Variants in BNC2 observed in about 807,000 individuals in gnomAD.
BNC2 encodes the protein basonuclin zinc finger protein 2.
Under a neutral mutation model 76.3 loss-of-function variants are expected in BNC2, and 20 were observed. The observed-to-expected ratio is 0.26, with a 90% confidence interval of 0.18 to 0.38. The LOEUF is 0.38. Ranked by LOEUF, BNC2 falls within the 10% of genes least tolerant of loss-of-function variation. The pLI is 1.00. For synonymous variants in BNC2, 582 were observed against 514.8 expected, an observed-to-expected ratio of 1.13 and a Z score of -1.77; for missense variants, 1,382 against 1,399.8, an observed-to-expected ratio of 0.99 and a Z score of 0.20.
intron 1 of BNC2, among the ~76,000 whole-genome samples, chr9:16,786,735 C>T (rs1247995373): frequency 6.6e-6 from 1 of 152,090 alleles, no homozygotes; most frequent in Non-Finnish European, 1.5e-5. Context: ...CTGCTGGGAA[C>T]CCACAGGATG....
chr9:16,624,317 T>G (rs958043724), intron 3 of BNC2, among the ~76,000 whole-genome samples: 9 of 152,122 alleles, frequency 5.9e-5, no homozygotes, highest in Non-Finnish European at 1.2e-4. Flanking sequence ...TATACCAAAC[T>G]TTTCATGGCT....
chr9:16,612,513 A>T (rs1490112052), intron 3 of BNC2, among the ~76,000 whole-genome samples: 1 of 152,186 alleles, frequency 6.6e-6, no homozygotes, highest in South Asian at 2.1e-4. Flanking sequence ...ATATGACAAG[A>T]TCCCCTCACC....
At chr9:16,777,656 G>A (rs908267444) in intron 1 of BNC2, among the ~76,000 whole-genome samples, 1 of 143,142 alleles carries the variant, frequency 7.0e-6, no homozygotes, top group Non-Finnish European at 1.5e-5. Flanking sequence ...AGCGGAGATT[G>A]CACCACTGCA....
At chr9:16,423,564 G>T (rs1820749051) in intron 6 of BNC2, among the ~76,000 whole-genome samples, 1 of 152,144 alleles carries the variant, frequency 6.6e-6, no homozygotes, top group Admixed American at 6.5e-5. Context: ...CACAGAGGAG[G>T]TACTTAAAAG....
chr9:16,770,009 C>T (rs1825793077), intron 1 of BNC2, among the ~76,000 whole-genome samples: 1 of 152,142 alleles, frequency 6.6e-6, no homozygotes, highest in South Asian at 2.1e-4. Context: ...ACCTAACCTA[C>T]AGCCTACGGT....
intron 1 of BNC2, among the ~76,000 whole-genome samples, chr9:16,769,409 C>A (rs1444584077): frequency 6.6e-6 from 1 of 152,204 alleles, no homozygotes; most frequent in East Asian, 1.9e-4. Flanking sequence ...TCCCATTTTA[C>A]TGACAGGGAA....
chr9:16,667,117 G>GCACACACACA (rs1822321503), intron 3 of BNC2, among the ~76,000 whole-genome samples: 3 of 148,532 alleles, frequency 2.0e-5, no homozygotes, highest in Admixed American at 6.8e-5. Flanking sequence ...ACGCACACAC[G>GCACACACACA]CACACACGCC....
intron 4 of BNC2, among the ~76,000 whole-genome samples, chr9:16,580,848 A>G (rs1271600051): frequency 6.6e-6 from 1 of 152,124 alleles, no homozygotes. Context: ...TTTCTCTTTA[A>G]TTTTCATAAT....
At chr9:16,828,085 C>CA (rs1275722322) in intron 1 of BNC2, among the ~76,000 whole-genome samples, 2 of 152,064 alleles carry the variant, frequency 1.3e-5, no homozygotes, top group South Asian at 2.1e-4. Flanking sequence ...TAAAGTCATC[C>CA]AAAATCCTAC....
At chr9:16,606,648 C>CCCAGCCTCAAGCAATTCT (rs1405896624) in intron 3 of BNC2, among the ~76,000 whole-genome samples, 1 of 152,058 alleles carries the variant, frequency 6.6e-6, no homozygotes, top group East Asian at 2.0e-4. Flanking sequence ...ATTCTCCAGC[C>CCCAGCCTCAAGCAATTCT]CCAGCCTCAA....
chr9:16,455,468 T>G (rs1218749441), intron 5 of BNC2, among the ~76,000 whole-genome samples: 1 of 152,090 alleles, frequency 6.6e-6, no homozygotes, highest in Non-Finnish European at 1.5e-5. Flanking sequence ...AATAAAACAA[T>G]GTTAATGAAT....
intron 3 of BNC2, among the ~76,000 whole-genome samples, chr9:16,676,002 T>C (rs1413813636): frequency 6.6e-6 from 1 of 152,072 alleles, no homozygotes; most frequent in Non-Finnish European, 1.5e-5. Flanking sequence ...GAGGCAGAGA[T>C]TGCAGTGAGC....
rs1415645285 is a variant in BNC2 at position 16,414,500 on chromosome 9, T to G, written c.*4489A>C. ...GGAGAAGATAAGTGATTTTAAAGAA[T>G]GAAATTCGTTTGTCATAATTTTAAA... On this transcript the variant is annotated 3_prime_UTR_variant, in exon 7 of 7. Transcript: ENST00000380672. 4.6e-5 allele frequency: 7 copies of G among 152,324 alleles called. No individual in the cohort carries two copies. In the East Asian group the frequency reaches 7.7e-4, roughly 17 times the overall value. 9.4% of individuals were successfully genotyped at this position (152,324 alleles called of 1,614,324 possible).
At chr9:16,522,367 C>T (rs1817646106) in intron 5 of BNC2, among the ~76,000 whole-genome samples, 1 of 152,218 alleles carries the variant, frequency 6.6e-6, no homozygotes, top group Non-Finnish European at 1.5e-5. Context: ...TAAATTCCAT[C>T]TGCTCAGCAG....
rs577342002 is a variant in BNC2 at position 16,724,365 on chromosome 9, T to C, written c.330+3432A>G. On this transcript the variant is annotated intron_variant, in intron 3 of 6. Transcript: ENST00000380672. ...AAAAAACTTTGAAAAGCAAGCCTCATTTTTTGCTTTTAACAGTACCTTGTG... is the reference window on the plus strand; with the variant it reads ...AAAAAACTTTGAAAAGCAAGCCTCACTTTTTGCTTTTAACAGTACCTTGTG... Among the ~76,000 whole-genome samples the C allele has an allele frequency of 6.6e-5, 10 of 152,178 alleles. No homozygotes were observed. The South Asian group carries it at 2.1e-3, about 32-fold the overall frequency.
chr9:16,712,989 C>A (rs1823893238), intron 3 of BNC2, among the ~76,000 whole-genome samples: 1 of 152,182 alleles, frequency 6.6e-6, no homozygotes, highest in African/African-American at 2.4e-5. Flanking sequence ...AGGCGTTTCA[C>A]ATTCAGGAAA....
intron 5 of BNC2, among the ~76,000 whole-genome samples, chr9:16,519,006 G>A (rs1817529325): frequency 6.6e-6 from 1 of 152,230 alleles, no homozygotes; most frequent in Non-Finnish European, 1.5e-5. Context: ...ATGTCTCTAT[G>A]CTGAGAAGAG....
At chr9:16,524,935 G>A (rs1447938397) in intron 5 of BNC2, among the ~76,000 whole-genome samples, 2 of 152,070 alleles carry the variant, frequency 1.3e-5, no homozygotes, top group Admixed American at 6.6e-5. Context: ...TTAGCTGGGT[G>A]TGGTGGCACC....
chr9:16,737,318 T>C (rs990402025), intron 2 of BNC2, among the ~76,000 whole-genome samples: 36 of 141,544 alleles, frequency 2.5e-4, no homozygotes, highest in African/African-American at 9.5e-4. Flanking sequence ...TGGCGCAATC[T>C]TGGCTTACTG....
Sources: gnomAD v4.1 joint callset for allele counts (sites outside exome capture counted in the v4.1 genomes callset) on GRCh38, gnomAD v4.1.1 for gene constraint, MANE v1.5 for transcripts, NCBI Gene and HGNC (gene_info 2026-07-23, HGNC 2026-07-21) for gene names.